Variants in OXSR1 observed in about 807,000 individuals in gnomAD.
The protein encoded by OXSR1 is serine/threonine-protein kinase OSR1.
OXSR1 carries 24 observed loss-of-function variants against 79.8 expected under a neutral mutation model. The ratio of observed to expected loss-of-function variants is 0.30; its 90% CI spans 0.22 to 0.42. The LOEUF (loss-of-function observed/expected upper bound fraction) is 0.42. Ranked by LOEUF, OXSR1 falls within the 10% of genes least tolerant of loss-of-function variation. The pLI is 1.00. For missense variants in OXSR1, 430 were observed against 618.4 expected, an observed-to-expected ratio of 0.70 and a Z score of 3.23; for synonymous variants, 226 against 209.2, an observed-to-expected ratio of 1.08 and a Z score of -0.69.
Position 38,229,716 on chromosome 3 carries a change from A to C in OXSR1, c.866A>C (p.Lys289Thr). The C allele has an allele frequency of 1.2e-6, 2 of 1,611,848 alleles. No individual in the cohort carries two copies. Among genetic ancestry groups the C allele is most frequent in the Non-Finnish European group, 1.7e-6 (2 of 1,178,926 alleles). Residue 289 changes from lysine (K) to threonine (T), a missense_variant, in exon 9 of 18, where the codon AAA becomes ACA. Coordinates refer to ENST00000311806, the MANE Select transcript of OXSR1 (RefSeq NM_005109.3). ...ACAGCAGCAGAACTATTAAGGCACA[A>C]ATTTTTCCAGAAAGCAAAGGTAGGA... The part of the protein sequence containing the change: ...RPTAAELLRH[K>T]FFQKAKNKEF...
chr3:38,178,022 C>T (rs931836914), intron 1 of OXSR1, among the ~76,000 whole-genome samples: 2 of 152,238 alleles, frequency 1.3e-5, no homozygotes, highest in African/African-American at 4.8e-5. Context: ...AATCTCAGCT[C>T]ACTGCAACCT....
chr3:38,195,520 T>C (rs1176634704), intron 3 of OXSR1, among the ~76,000 whole-genome samples: 1 of 152,234 alleles, frequency 6.6e-6, no homozygotes, highest in Non-Finnish European at 1.5e-5. Context: ...TTCTGAGGCT[T>C]AGGAAGACAT....
chr3:38,236,725 G>A, intron 10 of OXSR1, 114 bp from the exon 11 acceptor site: 4 of 947,628 alleles, frequency 4.2e-6, no homozygotes, highest in Non-Finnish European at 6.1e-6. Flanking sequence ...CATTTATGGG[G>A]AAAATGATTA....
intron 10 of OXSR1, among the ~76,000 whole-genome samples, chr3:38,235,858 A>G (rs1242585938): frequency 6.6e-6 from 1 of 152,244 alleles, no homozygotes; most frequent in Non-Finnish European, 1.5e-5. Context: ...ACATGCTAAT[A>G]GTGGAGATGG....
At chr3:38,219,923 T>A (rs756639361) in intron 5 of OXSR1, among the ~76,000 whole-genome samples, 34 of 152,132 alleles carry the variant, frequency 2.2e-4, no homozygotes, top group Non-Finnish European at 4.1e-4. Context: ...TCCTCCTACC[T>A]CAGCCTCCCA....
chr3:38,197,184 G>A (rs1248893110), intron 3 of OXSR1, among the ~76,000 whole-genome samples: 1 of 152,238 alleles, frequency 6.6e-6, no homozygotes, highest in East Asian at 1.9e-4. Context: ...GCAATGGAGA[G>A]GGGAAAGAAC....
chr3:38,215,824 C>T (rs552307585), intron 4 of OXSR1, among the ~76,000 whole-genome samples: 5 of 152,214 alleles, frequency 3.3e-5, no homozygotes, highest in Admixed American at 6.5e-5. Flanking sequence ...AGGTGAGGGT[C>T]ACATTCTTTG....
chr3:38,215,544 T>C (rs1458864781), intron 4 of OXSR1, among the ~76,000 whole-genome samples: 1 of 152,262 alleles, frequency 6.6e-6, no homozygotes, highest in East Asian at 1.9e-4. Context: ...ACCAGACTGA[T>C]AATAGTTGAA....
chr3:38,199,480 T>C (rs944658226), intron 4 of OXSR1, among the ~76,000 whole-genome samples: 1 of 152,110 alleles, frequency 6.6e-6, no homozygotes, highest in Non-Finnish European at 1.5e-5. Context: ...CTTCCTGCCA[T>C]GGCCTTCTAA....
chr3:38,199,555 G>A (rs915899619), intron 4 of OXSR1, among the ~76,000 whole-genome samples: 3 of 152,040 alleles, frequency 2.0e-5, no homozygotes, highest in Non-Finnish European at 4.4e-5. Context: ...ATAAATAAGA[G>A]CATTTTAATA....
upstream of OXSR1, among the ~76,000 whole-genome samples, chr3:38,164,269 C>T (rs1179665239): frequency 6.6e-6 from 1 of 152,136 alleles, no homozygotes; most frequent in Non-Finnish European, 1.5e-5. Context: ...CTTCAGCCTC[C>T]CTAGTAGCTG....
chr3:38,191,481 A>G (rs993367622), intron 3 of OXSR1, among the ~76,000 whole-genome samples: 12 of 151,890 alleles, frequency 7.9e-5, no homozygotes, highest in African/African-American at 2.9e-4. Context: ...GGATTTATCT[A>G]AGTATTTCTT....
At chr3:38,242,677 G>C (rs923847262) in intron 11 of OXSR1, 66 bp from the exon 12 acceptor site, 1 of 883,766 alleles carries the variant, frequency 1.1e-6, no homozygotes, top group African/African-American at 1.7e-5. Context: ...ATCACTTGCA[G>C]TTTGGGACTG....
chr3:38,204,530 A>G (rs549593888), intron 4 of OXSR1, among the ~76,000 whole-genome samples: 77 of 152,058 alleles, frequency 5.1e-4, no homozygotes, highest in Admixed American at 2.5e-3. Context: ...GCAGGGACCA[A>G]AGGCTCCTTA....
intron 1 of OXSR1, among the ~76,000 whole-genome samples, chr3:38,177,228 G>C (rs1018745492): frequency 6.6e-6 from 1 of 152,232 alleles, no homozygotes; most frequent in African/African-American, 2.4e-5. Flanking sequence ...ATTCCGTGGT[G>C]TTTCCAAGAG....
At position 38,183,073 on chromosome 3, in the gene OXSR1, G is replaced by A; in HGVS notation, c.141G>A (p.Arg47=). 6.2e-7 allele frequency: 1 copy of A among 1,612,472 alleles called. No individual in the cohort carries two copies. Among genetic ancestry groups the A allele is most frequent in the Non-Finnish European group, 8.5e-7 (1 of 1,179,116 alleles). ...AAAAGGAGAAAGTGGCAATCAAACGGATAAACCTTGAGAAATGTCAAACTA... is the reference window on the plus strand; with the variant it reads ...AAAAGGAGAAAGTGGCAATCAAACGAATAAACCTTGAGAAATGTCAAACTA... The part of the protein sequence containing the change: ...APKKEKVAIK[R]INLEKCQTSM... The change falls in exon 2 of 18, where the codon CGG becomes CGA. Residue 47 remains arginine (R), a synonymous_variant. Transcript: ENST00000311806.
chr3:38,184,954 G>GTTTTTTTTTTTTTTTTTTTTTTTTT (rs1559503629), intron 2 of OXSR1, among the ~76,000 whole-genome samples: 1 of 96,228 alleles, frequency 1.0e-5, no homozygotes, highest in Non-Finnish European at 2.0e-5. Flanking sequence ...TTTTTTTTGG[G>GTTTTTTTTTTTTTTTTTTTTTTTTT]TTTCTTTGAG....
At chr3:38,246,786 G>A (rs1359617604) in intron 13 of OXSR1, among the ~76,000 whole-genome samples, 1 of 152,140 alleles carries the variant, frequency 6.6e-6, no homozygotes, top group Non-Finnish European at 1.5e-5. Flanking sequence ...GTAGTGGGCT[G>A]CTACATGCTG....
intron 2 of OXSR1, among the ~76,000 whole-genome samples, chr3:38,187,386 G>A (rs1389351473): frequency 2.0e-5 from 3 of 152,170 alleles, no homozygotes; most frequent in African/African-American, 4.8e-5. Flanking sequence ...GTAATGGAAA[G>A]GAAAACACAG....
Sources: allele counts gnomAD v4.1 joint callset (sites outside exome capture counted in the v4.1 genomes callset), GRCh38; gene constraint gnomAD v4.1.1; transcripts MANE v1.5; gene names NCBI Gene and HGNC (gene_info 2026-07-23, HGNC 2026-07-21).